The following CCDC172 variants were observed in gnomAD, a reference collection of about 807,000 sequenced individuals.
CCDC172 encodes coiled-coil domain containing 172.
Under a neutral mutation model 38.0 loss-of-function variants are expected in CCDC172, and 30 were observed. The ratio of observed to expected loss-of-function variants is 0.79; its 90% CI spans 0.59 to 1.07. The LOEUF is 1.07. Among genes scored for constraint, CCDC172 ranks in the 50% least tolerant of loss-of-function variants. The probability of loss-of-function intolerance (pLI) is 0.00; values close to 1 mark genes in which losing one functional copy is unlikely to be tolerated. For missense variants in CCDC172, 297 were observed against 290.1 expected (o/e 1.02, Z -0.17); for synonymous variants, 78 against 88.3 (o/e 0.88, Z 0.66).
At chr10:116,340,052 T>C (rs1289041488) in intron 3 of CCDC172, among the ~76,000 whole-genome samples, 1 of 151,988 alleles carries the variant, frequency 6.6e-6, no homozygotes, top group Non-Finnish European at 1.5e-5. Flanking sequence ...TTAGCTTTCA[T>C]ATATTAAAGC....
Position 116,379,926 on chromosome 10 carries a change from A to G in CCDC172, c.*568A>G, listed in dbSNP as rs1845293575. The G allele has an allele frequency of 2.0e-5, 3 of 152,348 alleles. No individual in the cohort carries two copies. Among genetic ancestry groups the G allele is most frequent in the Admixed American group, 6.5e-5 (1 of 15,276 alleles). The allele number at this position is 152,348 out of a possible 1,614,324, so 9.4% of individuals were successfully genotyped here. A position where few individuals can be genotyped will look rare whatever the true frequency, so the allele number is the denominator to read the frequency against. On this transcript the variant is annotated 3_prime_UTR_variant, in exon 9 of 9. Coordinates refer to ENST00000333254, the MANE Select transcript of CCDC172 (RefSeq NM_198515.3). ...TCTCACTCCCCCTTTGCCTTCAGTC[A>G]TGATTGGAAACTTCCTGAGGCCTCC...
At chr10:116,364,962 T>C (rs1845105948) in intron 7 of CCDC172, among the ~76,000 whole-genome samples, 1 of 152,150 alleles carries the variant, frequency 6.6e-6, no homozygotes, top group Non-Finnish European at 1.5e-5. Flanking sequence ...GAACATAAGT[T>C]TTTCTAAACT....
chr10:116,329,838 G>A (rs187714824), intron 3 of CCDC172, among the ~76,000 whole-genome samples: 8 of 152,132 alleles, frequency 5.3e-5, no homozygotes, highest in South Asian at 2.1e-4. Flanking sequence ...AACAAAAACC[G>A]CTAGTTTTAC....
intron 7 of CCDC172, among the ~76,000 whole-genome samples, chr10:116,372,442 C>T (rs1421384584): frequency 6.6e-6 from 1 of 152,074 alleles, no homozygotes. Context: ...AGAATGTACC[C>T]TCCTGCCTAT....
At chr10:116,362,786 C>A (rs535893096) in intron 7 of CCDC172, among the ~76,000 whole-genome samples, 1 of 152,210 alleles carries the variant, frequency 6.6e-6, no homozygotes, top group South Asian at 2.1e-4. Flanking sequence ...CTATATTTTG[C>A]TGAATATTTC....
chr10:116,378,283 T>C (rs1845272044), intron 7 of CCDC172, 140 bp from the exon 8 acceptor site: 1 of 853,210 alleles, frequency 1.2e-6, no homozygotes, highest in Non-Finnish European at 1.7e-6. Flanking sequence ...TTTATGGAAT[T>C]ATAGATAATT....
At chr10:116,347,611 C>G (rs1028106323) in intron 5 of CCDC172, among the ~76,000 whole-genome samples, 1 of 152,002 alleles carries the variant, frequency 6.6e-6, no homozygotes, top group African/African-American at 2.4e-5. Context: ...GGGAGAGCTT[C>G]ACTCTGACAT....
intron 3 of CCDC172, among the ~76,000 whole-genome samples, chr10:116,327,449 G>A (rs1184911078): frequency 6.6e-6 from 1 of 151,890 alleles, no homozygotes; most frequent in Non-Finnish European, 1.5e-5. Flanking sequence ...ATTTTTTAAT[G>A]TTACTCTGTA....
At chr10:116,375,981 C>A (rs1247606904) in intron 7 of CCDC172, among the ~76,000 whole-genome samples, 1 of 152,166 alleles carries the variant, frequency 6.6e-6, no homozygotes, top group Non-Finnish European at 1.5e-5. Flanking sequence ...CCTTAAAGAT[C>A]TAGAACTAGA....
At chr10:116,366,278 C>G (rs947981093) in intron 7 of CCDC172, among the ~76,000 whole-genome samples, 1 of 152,068 alleles carries the variant, frequency 6.6e-6, no homozygotes, top group Non-Finnish European at 1.5e-5. Flanking sequence ...TTCCATACTC[C>G]CTTCATTACC....
At chr10:116,372,690 A>G (rs1432726265) in intron 7 of CCDC172, among the ~76,000 whole-genome samples, 2 of 152,194 alleles carry the variant, frequency 1.3e-5, no homozygotes, top group African/African-American at 4.8e-5. Context: ...GAGAGCCCCA[A>G]GCAGCATTAA....
At chr10:116,369,728 G>A (rs1845163879) in intron 7 of CCDC172, among the ~76,000 whole-genome samples, 3 of 151,996 alleles carry the variant, frequency 2.0e-5, no homozygotes, top group Admixed American at 2.0e-4. Flanking sequence ...TACTGGATAT[G>A]GAGTGGCAGT....
At chr10:116,334,543 A>T (rs1376150967) in intron 3 of CCDC172, among the ~76,000 whole-genome samples, 1 of 152,004 alleles carries the variant, frequency 6.6e-6, no homozygotes, top group Non-Finnish European at 1.5e-5. Context: ...CTGAGTAAAT[A>T]TATATATAAA....
chr10:116,371,400 T>C (rs61864801), intron 7 of CCDC172, among the ~76,000 whole-genome samples: 17,622 of 151,790 alleles, frequency 0.12, 1,582 homozygotes, highest in African/African-American at 0.25. Context: ...TCCTAATAGA[T>C]CTTAGTGTAT....
At chr10:116,338,585 T>A (rs1033260941) in intron 3 of CCDC172, among the ~76,000 whole-genome samples, 2 of 152,088 alleles carry the variant, frequency 1.3e-5, no homozygotes, top group African/African-American at 4.8e-5. Flanking sequence ...GGATATAGAT[T>A]TCATTTTTTA....
intron 7 of CCDC172, among the ~76,000 whole-genome samples, chr10:116,369,787 T>C (rs12244656): frequency 0.12 from 17,665 of 151,998 alleles, 1,593 homozygotes; most frequent in African/African-American, 0.25. Flanking sequence ...GCCCCATTCT[T>C]CTCCATCGAG....
chr10:116,352,038 AACT>A (rs1844937067), intron 5 of CCDC172, among the ~76,000 whole-genome samples: 1 of 152,156 alleles, frequency 6.6e-6, no homozygotes, highest in Non-Finnish European at 1.5e-5. Context: ...AGTAAAGAAA[AACT>A]ACTGGGGAGC....
intron 5 of CCDC172, among the ~76,000 whole-genome samples, chr10:116,343,835 C>T (rs1002082190): frequency 8.5e-5 from 13 of 152,136 alleles, no homozygotes; most frequent in Non-Finnish European, 7.4e-5. Flanking sequence ...TATACTTTGA[C>T]TGAATGGTTC....
chr10:116,349,732 G>A (rs916398092), intron 5 of CCDC172, among the ~76,000 whole-genome samples: 3 of 152,076 alleles, frequency 2.0e-5, no homozygotes, highest in African/African-American at 4.8e-5. Context: ...AGGACCTGGT[G>A]TTACTGTAGT....
Sources: allele counts gnomAD v4.1 joint callset (sites outside exome capture counted in the v4.1 genomes callset), GRCh38; gene constraint gnomAD v4.1.1; transcripts MANE v1.5; gene names NCBI Gene and HGNC (gene_info 2026-07-23, HGNC 2026-07-21).